VAV1: variants seen among roughly 807,000 people sequenced by gnomAD.
The protein encoded by VAV1 is vav guanine nucleotide exchange factor 1, also known as proto-oncogene vav.
A neutral mutation model predicts 128.1 loss-of-function variants in VAV1; 33 were observed. The ratio of observed to expected loss-of-function variants is 0.26; its 90% confidence interval spans 0.20 to 0.34. The LOEUF is 0.34. VAV1 is among the 10% of genes least tolerant of loss of function. VAV1 has a pLI of 1.00. For synonymous variants in VAV1, 394 were observed against 409.8 expected (o/e 0.96, Z 0.47); for missense variants, 715 against 1,093.7 (o/e 0.65, Z 4.88).
At chr19:6,799,035 G>A (rs1971204557) in intron 1 of VAV1, among the ~76,000 whole-genome samples, 1 of 151,884 alleles carries the variant, frequency 6.6e-6, no homozygotes, top group African/African-American at 2.4e-5. Context: ...GTGGTCTTCT[G>A]TGACTGGCTG....
At chr19:6,780,916 A>G (rs1286835364) in intron 1 of VAV1, among the ~76,000 whole-genome samples, 1 of 147,154 alleles carries the variant, frequency 6.8e-6, no homozygotes, top group East Asian at 2.0e-4. Context: ...AAGATTTCTT[A>G]TCTTTCTTTT....
chr19:6,853,042 C>T lies in VAV1; in HGVS notation c.2295C>T (p.Phe765=). The T allele has an allele frequency of 2.5e-6, 4 of 1,611,746 alleles. No homozygotes were observed. The highest frequency in any genetic ancestry group is 3.4e-6 in the Non-Finnish European group (4 of 1,178,542). The part of the protein sequence containing the change: ...KSLDTTLQFP[F]KEPEKRTISR... ...TGGACACCACCTTGCAGTTCCCCTTCAAGGAGCCTGAAAAGAGAACCATCA... is the reference window on the plus strand; with the variant it reads ...TGGACACCACCTTGCAGTTCCCCTTTAAGGAGCCTGAAAAGAGAACCATCA... The change falls in exon 25 of 27, where the codon TTC becomes TTT. Residue 765 remains phenylalanine (F), a synonymous_variant. Coordinates refer to ENST00000602142, the MANE Select transcript of VAV1 (RefSeq NM_005428.4).
At chr19:6,774,840 C>T (rs1030480402) in intron 1 of VAV1, among the ~76,000 whole-genome samples, 1 of 152,002 alleles carries the variant, frequency 6.6e-6, no homozygotes, top group Non-Finnish European at 1.5e-5. Flanking sequence ...CTGCACCCTC[C>T]ACTTCCTGGG....
rs150162861 is a variant in VAV1, at chr19:6,848,002, G to A, written c.2017G>A (p.Ala673Thr). Reference protein sequence around the residue: ...PQDLSVHLWYAGPMERAGAES... With the variant: ...PQDLSVHLWYTGPMERAGAES... ...GTCCTTGGTGTCTCTTTGCAGGTACGCAGGCCCCATGGAGCGGGCAGGGGC... is the reference window on the plus strand; with the variant it reads ...GTCCTTGGTGTCTCTTTGCAGGTACACAGGCCCCATGGAGCGGGCAGGGGC... Residue 673 changes from alanine (A) to threonine (T), a missense_variant, in exon 23 of 27, where the codon GCA becomes ACA. Transcript: ENST00000602142. 2.4e-5 allele frequency: 37 copies of A among 1,511,948 alleles called. No individual in the cohort carries two copies. The highest frequency in any genetic ancestry group is 5.4e-5 in the East Asian group (2 of 37,264). The allele number at this position is 1,511,948 out of a possible 1,614,324, so 93.7% of individuals were successfully genotyped here. A position where few individuals can be genotyped will look rare whatever the true frequency, so the allele number is the denominator to read the frequency against.
At chr19:6,833,837 G>A (rs1019640893) in intron 18 of VAV1, 71 bp from the exon 19 acceptor site, 3 of 1,613,716 alleles carry the variant, frequency 1.9e-6, no homozygotes, top group African/African-American at 2.7e-5. Flanking sequence ...TGTGGGGTGA[G>A]GAGAGTAAGG....
chr19:6,846,491 G>A (rs1972526232), intron 22 of VAV1, among the ~76,000 whole-genome samples: 1 of 151,220 alleles, frequency 6.6e-6, no homozygotes, highest in South Asian at 2.1e-4. Context: ...CAGAGGCTGA[G>A]GCAGGAGAAT....
chr19:6,784,792 C>G (rs930074111), intron 1 of VAV1, among the ~76,000 whole-genome samples: 3 of 152,008 alleles, frequency 2.0e-5, no homozygotes, highest in African/African-American at 7.2e-5. Context: ...CCATGCCCAG[C>G]CTCCATTCTA....
chr19:6,810,292 T>C (rs1971488053), intron 1 of VAV1, among the ~76,000 whole-genome samples: 1 of 151,966 alleles, frequency 6.6e-6, no homozygotes, highest in African/African-American at 2.4e-5. Context: ...ATTGCACTAC[T>C]GCACTTCAGC....
At chr19:6,802,275 A>T (rs971462024) in intron 1 of VAV1, among the ~76,000 whole-genome samples, 1 of 152,118 alleles carries the variant, frequency 6.6e-6, no homozygotes. Flanking sequence ...CACCAACATG[A>T]CACATGTATA....
intron 1 of VAV1, among the ~76,000 whole-genome samples, chr19:6,788,928 T>C (rs659657): frequency 0.25 from 37,648 of 152,166 alleles, 5,337 homozygotes; most frequent in African/African-American, 0.39. Flanking sequence ...CCAGAATTTC[T>C]GATTCTCAGT....
At chr19:6,827,976 A>G in intron 9 of VAV1, 100 bp from the exon 10 acceptor site, 1 of 959,018 alleles carries the variant, frequency 1.0e-6, no homozygotes. Flanking sequence ...TCTGGGGTGG[A>G]GAGCTGCTCA....
chr19:6,845,814 C>A (rs1224712267), intron 22 of VAV1, among the ~76,000 whole-genome samples: 1 of 147,332 alleles, frequency 6.8e-6, no homozygotes, highest in Non-Finnish European at 1.5e-5. Context: ...AATATTTATT[C>A]TTTAAATTGT....
chr19:6,789,381 T>C (rs1217844893), intron 1 of VAV1, among the ~76,000 whole-genome samples: 1 of 151,726 alleles, frequency 6.6e-6, no homozygotes, highest in Non-Finnish European at 1.5e-5. Flanking sequence ...GCCTCCCGAG[T>C]AGCTGGGACT....
rs370749452 is a variant in VAV1, at chr19:6,826,234, G to A, written c.828-378G>A. Among the ~76,000 whole-genome samples, 8 of 151,034 alleles carry A rather than the reference G, an allele frequency of 5.3e-5. No homozygotes were observed. The highest frequency in any genetic ancestry group is 2.1e-4 in the South Asian group (1 of 4,770). On this transcript the variant is annotated intron_variant, in intron 8 of 26. Transcript: ENST00000602142. The surrounding 1 kb of genome is among the most constrained non-coding windows in gnomAD (Gnocchi z 4.1). The stretch of plus-strand genomic sequence containing the variant: ...GTGTCTGTAATCCCAGCTACTCGGG[G>A]GGCTGAAGCAGGAGAATCGCTTGAA...
intron 1 of VAV1, among the ~76,000 whole-genome samples, chr19:6,818,377 A>C (rs1161290855): frequency 2.0e-5 from 3 of 152,190 alleles, no homozygotes; most frequent in African/African-American, 7.2e-5. Flanking sequence ...TTATCTTCTC[A>C]CAATAAATGT....
intron 1 of VAV1, among the ~76,000 whole-genome samples, chr19:6,776,132 CCATT>C (rs1471565324): frequency 2.8e-5 from 4 of 143,204 alleles, no homozygotes; most frequent in African/African-American, 7.9e-5. Context: ...ATCTGCTCAT[CCATT>C]CATCCATCTG....
At chr19:6,793,202 C>T (rs538635385) in intron 1 of VAV1, among the ~76,000 whole-genome samples, 6 of 152,028 alleles carry the variant, frequency 3.9e-5, no homozygotes, top group Non-Finnish European at 7.4e-5. Flanking sequence ...GGCATGGTGG[C>T]GGGTGCCTGT....
chr19:6,823,523 A>T (rs78601794), intron 6 of VAV1, among the ~76,000 whole-genome samples: 5,957 of 151,786 alleles, frequency 0.039, 210 homozygotes, highest in African/African-American at 0.083. Flanking sequence ...TTTTATATAT[A>T]TTTTTTGTTA....
At chr19:6,855,654 T>G (rs1972776173) in intron 26 of VAV1, among the ~76,000 whole-genome samples, 1 of 152,042 alleles carries the variant, frequency 6.6e-6, no homozygotes, top group Non-Finnish European at 1.5e-5. Context: ...CATCTATCCA[T>G]GCATGCACCC....
Sources: gnomAD v4.1 joint callset for allele counts (sites outside exome capture counted in the v4.1 genomes callset) on GRCh38, gnomAD v4.1.1 for gene constraint, Gnocchi (gnomAD v3.1) non-coding constraint, MANE v1.5 for transcripts, NCBI Gene and HGNC (gene_info 2026-07-23, HGNC 2026-07-21) for gene names.